The following BORCS5 variants were observed in gnomAD, a reference collection of about 807,000 sequenced individuals.
BORCS5 encodes the protein BLOC-1-related complex subunit 5.
BORCS5 carries 17 observed loss-of-function variants against 22.1 expected under a neutral mutation model. That is an observed-to-expected ratio of 0.77 (90% CI 0.53 to 1.15). BORCS5 has a LOEUF of 1.15. Ranked by LOEUF, BORCS5 falls within the 50% of genes most tolerant of loss-of-function variation. The pLI is 0.00. For synonymous variants in BORCS5, 117 were observed against 99.8 expected (o/e 1.17, Z -1.03); for missense variants, 247 against 253.2 (o/e 0.98, Z 0.17).
At chr12:12,360,106 G>A (rs184045248) in intron 1 of BORCS5, among the ~76,000 whole-genome samples, 335 of 152,232 alleles carry the variant, frequency 2.2e-3, no homozygotes, top group African/African-American at 7.7e-3. Context: ...GCTCACACCC[G>A]TAATTCTAGC....
At chr12:12,360,798 G>T (rs981079784) in intron 1 of BORCS5, among the ~76,000 whole-genome samples, 1 of 151,846 alleles carries the variant, frequency 6.6e-6, no homozygotes, top group South Asian at 2.1e-4. Context: ...TTGGCACACC[G>T]CAACCTCCGC....
intron 3 of BORCS5, among the ~76,000 whole-genome samples, chr12:12,460,238 A>G (rs1050435925): frequency 6.6e-6 from 1 of 152,122 alleles, no homozygotes; most frequent in Non-Finnish European, 1.5e-5. Flanking sequence ...ATTTTGCTGA[A>G]TTTTTCCCTA....
intron 3 of BORCS5, among the ~76,000 whole-genome samples, chr12:12,454,058 C>T (rs1272625542): frequency 2.0e-5 from 3 of 151,986 alleles, no homozygotes; most frequent in Admixed American, 6.6e-5. Context: ...ATGAATAGAC[C>T]ACATTTTGTT....
intron 2 of BORCS5, among the ~76,000 whole-genome samples, chr12:12,431,070 G>A (rs114006756): frequency 0.016 from 2,417 of 152,264 alleles, 67 homozygotes; most frequent in African/African-American, 0.056. Context: ...GTGTGCTACT[G>A]TGTGTGTAAA....
intron 3 of BORCS5, among the ~76,000 whole-genome samples, chr12:12,463,141 A>C (rs1943141418): frequency 6.6e-6 from 1 of 152,212 alleles, no homozygotes; most frequent in South Asian, 2.1e-4. Context: ...ATTGTGTGAG[A>C]TACTGGTTTA....
chr12:12,448,610 C>T (rs1942837994), intron 3 of BORCS5, among the ~76,000 whole-genome samples: 1 of 150,590 alleles, frequency 6.6e-6, no homozygotes, highest in African/African-American at 2.4e-5. Context: ...CTAACTGCAG[C>T]CTTTGCCTTC....
intron 2 of BORCS5, among the ~76,000 whole-genome samples, chr12:12,408,671 TACTTC>T (rs1442678536): frequency 1.3e-5 from 2 of 152,240 alleles, no homozygotes; most frequent in African/African-American, 2.4e-5. Context: ...GTGACTGGCT[TACTTC>T]ACTTAGTGTA....
chr12:12,456,244 G>A (rs756292018), intron 3 of BORCS5, among the ~76,000 whole-genome samples: 3 of 152,154 alleles, frequency 2.0e-5, no homozygotes, highest in Admixed American at 6.5e-5. Flanking sequence ...ATCAGCCAGG[G>A]CATCATCTTG....
chr12:12,438,385 A>AAAAAAAAAAAAAAAAAAAAC (rs1555156048), intron 3 of BORCS5, among the ~76,000 whole-genome samples: 2 of 126,110 alleles, frequency 1.6e-5, no homozygotes, highest in African/African-American at 6.6e-5. Context: ...AAAAAACGAA[A>AAAAAAAAAAAAAAAAAAAAC]AACAACAACA....
chr12:12,452,356 GA>G, intron 3 of BORCS5: 1 of 666,444 alleles, frequency 1.5e-6, no homozygotes, highest in South Asian at 1.4e-5. Flanking sequence ...TGTCTACATG[GA>G]AAATCAAATC....
chr12:12,446,327 G>T (rs776041158), intron 3 of BORCS5, among the ~76,000 whole-genome samples: 1 of 152,106 alleles, frequency 6.6e-6, no homozygotes, highest in African/African-American at 2.4e-5. Flanking sequence ...GACACAGAAG[G>T]CCTTCCCAGA....
chr12:12,440,620 AC>A (rs201164537), intron 3 of BORCS5, among the ~76,000 whole-genome samples: 1 of 151,024 alleles, frequency 6.6e-6, no homozygotes, highest in African/African-American at 2.4e-5. Context: ...AAAAAAAAAA[AC>A]CAGGATTTGG....
At chr12:12,414,410 T>G (rs1403075579) in intron 2 of BORCS5, among the ~76,000 whole-genome samples, 171 of 59,820 alleles carry the variant, frequency 2.9e-3, no homozygotes, top group South Asian at 4.9e-3. Flanking sequence ...CCTCCCGGAC[T>G]GGGCGGCTGG....
chr12:12,410,631 C>T (rs1271338850), intron 2 of BORCS5, among the ~76,000 whole-genome samples: 4 of 152,078 alleles, frequency 2.6e-5, no homozygotes, highest in Non-Finnish European at 4.4e-5. Context: ...TTACTGTAGC[C>T]TTGTAGTATA....
intron 2 of BORCS5, among the ~76,000 whole-genome samples, chr12:12,408,517 C>G (rs1435333423): frequency 6.6e-6 from 1 of 152,308 alleles, no homozygotes; most frequent in South Asian, 2.1e-4. Context: ...TTTCATCTTG[C>G]AAACCTGAAA....
intron 2 of BORCS5, among the ~76,000 whole-genome samples, chr12:12,392,038 T>C (rs1482147464): frequency 8.6e-6 from 1 of 116,666 alleles, no homozygotes; most frequent in Non-Finnish European, 1.8e-5. Flanking sequence ...GGAGTGAGAC[T>C]TCATTTCAAA....
At chr12:12,442,411 A>T (rs1168342795) in intron 3 of BORCS5, among the ~76,000 whole-genome samples, 2 of 152,204 alleles carry the variant, frequency 1.3e-5, no homozygotes, top group African/African-American at 4.8e-5. Context: ...GCTTGCTTGA[A>T]GGCCTTGAGA....
At chr12:12,420,582 A>G (rs1023936476) in intron 2 of BORCS5, among the ~76,000 whole-genome samples, 3 of 152,226 alleles carry the variant, frequency 2.0e-5, no homozygotes, top group Non-Finnish European at 4.4e-5. Context: ...TTCTGTGAAG[A>G]AAGTCATTGG....
chr12:12,409,257 C>T (rs1420508393), intron 2 of BORCS5, among the ~76,000 whole-genome samples: 1 of 151,784 alleles, frequency 6.6e-6, no homozygotes, highest in Admixed American at 6.6e-5. Flanking sequence ...TTTTAGGGTA[C>T]ATGTGCACAA....
Sources: gnomAD v4.1 joint callset for allele counts (sites outside exome capture counted in the v4.1 genomes callset) on GRCh38, gnomAD v4.1.1 for gene constraint, MANE v1.5 for transcripts, NCBI Gene and HGNC (gene_info 2026-07-23, HGNC 2026-07-21) for gene names.